CNTNAP1: variants seen among roughly 807,000 people sequenced by gnomAD.
CNTNAP1 encodes contactin-associated protein 1.
Under a neutral mutation model 161.5 loss-of-function variants are expected in CNTNAP1, and 80 were observed. The observed-to-expected ratio is 0.50, with a 90% CI of 0.41 to 0.60. CNTNAP1 has a LOEUF of 0.60. Among genes scored for constraint, CNTNAP1 ranks in the 20% least tolerant of loss-of-function variants. The probability of loss-of-function intolerance (pLI) is 0.00; values close to 1 mark genes in which losing one functional copy is unlikely to be tolerated. For missense variants in CNTNAP1, 1,464 were observed against 1,854.8 expected (o/e 0.79, Z 3.87); for synonymous variants, 695 against 733.1 (o/e 0.95, Z 0.84).
chr17:42,687,883 TG>T lies in CNTNAP1; in HGVS notation c.1213del (p.Asp405ThrfsTer8). 6.2e-7 allele frequency: 1 copy of T among 1,614,188 alleles called. No individual in the cohort carries two copies. Among genetic ancestry groups the T allele is most frequent in the Non-Finnish European group, 8.5e-7 (1 of 1,180,034 alleles). On this transcript the variant is annotated frameshift_variant, in exon 8 of 24. Transcript: ENST00000264638. LOFTEE classifies it high-confidence loss of function. The surrounding 1 kb of genome is among the most constrained non-coding windows in gnomAD (Gnocchi z 4.7). ...ACCGGGCTTCTCCTTTTCTCCCGTC[TG>T]GGGGACGGGCTGGGCCACGTGGAGC... The part of the protein sequence containing the change: ...DLTGLLLFSR[L>X]GDGLGHVELT...
chr17:42,695,747 T>C lies in CNTNAP1; in HGVS notation c.3219T>C (p.Arg1073=), dbSNP rs199875852. The C allele has an allele frequency of 3.7e-5, 59 of 1,614,220 alleles. No homozygotes were observed. The highest frequency in any genetic ancestry group is 5.0e-5 in the Non-Finnish European group (59 of 1,180,030). ...CTGGTCGGCCTGTGCCCGGTTACCGTGGGCCTGTCTACAACGTTACGGGAG... is the reference window on the plus strand; with the variant it reads ...CTGGTCGGCCTGTGCCCGGTTACCGCGGGCCTGTCTACAACGTTACGGGAG... ...PRPGRPVPGY[R]GPVYNVTGEE... Residue 1073 remains arginine, a synonymous_variant, in exon 19 of 24, where the codon CGT becomes CGC. Transcript: ENST00000264638.
chr17:42,685,159 G>A lies in CNTNAP1; in HGVS notation c.511+21G>A. 6.2e-7 allele frequency: 1 copy of A among 1,607,968 alleles called. No individual in the cohort carries two copies. Among genetic ancestry groups the A allele is most frequent in the Middle Eastern group, 1.7e-4 (1 of 6,040 alleles). ...ATACAGTAAGTGTGCAGAGAGCGCGGAGGGGGCCTGGGAGACAGCCTCCCC... is the reference window on the plus strand; with the variant it reads ...ATACAGTAAGTGTGCAGAGAGCGCGAAGGGGGCCTGGGAGACAGCCTCCCC... On this transcript the variant is annotated intron_variant, in intron 4 of 23. Coordinates refer to ENST00000264638, the MANE Select transcript of CNTNAP1 (RefSeq NM_003632.3). The surrounding 1 kb of genome is among the most constrained non-coding windows in gnomAD (Gnocchi z 5.0).
In CNTNAP1 at chr17:42,683,838, C is replaced by G; in HGVS notation, c.85C>G (p.Leu29Val). The change falls in exon 2 of 24, where the codon CTG becomes GTG. Residue 29 changes from leucine (L) to valine (V), a missense_variant. Physicochemically the swap from Leu to Val is conservative, Grantham distance 32 (BLOSUM62 1). Around this residue, in one of 3 missense-constraint regions of CNTNAP1, gnomAD observed 77 missense variants for 73.6 expected, o/e 1.05. Transcript: ENST00000264638. ...GWGYYGCDEE[L>V]VGPLYARSLG... ...TACCCTAGACGGCTGCGACGAGGAG[C>G]TGGTGGGTCCCCTGTATGCACGCTC... 2 of 1,612,082 alleles carry G rather than the reference C, an allele frequency of 1.2e-6. No homozygotes were observed. Among genetic ancestry groups the G allele is most frequent in the South Asian group, 2.2e-5 (2 of 91,086 alleles).
chr17:42,685,441 C>T lies in CNTNAP1; in HGVS notation c.715+21C>T, dbSNP rs971683099. On this transcript the variant is annotated intron_variant, in intron 5 of 23. Transcript: ENST00000264638. This position sits in a 1 kb window ranked among gnomAD's most constrained non-coding sequence, Gnocchi z 5.0. ...CCTGGGTGAGCTCGGCGACCATGTG[C>T]GATGCGGAGCCAACCCCTGAAGCTC... The T allele has an allele frequency of 6.3e-7, 1 of 1,589,362 alleles. No homozygotes were observed. Among genetic ancestry groups the T allele is most frequent in the Non-Finnish European group, 8.5e-7 (1 of 1,172,886 alleles).
At position 42,685,065 on chromosome 17, in the gene CNTNAP1, C is replaced by A. The variant is rs371036638; in HGVS notation, c.438C>A (p.Ile146=). 5 of 1,580,962 alleles carry A rather than the reference C, an allele frequency of 3.2e-6. No homozygotes were observed. The African/African-American group carries it at 5.4e-5, about 17-fold the overall frequency. Residue 146 remains isoleucine (I), a synonymous_variant, in exon 4 of 24, where the codon ATC becomes ATA. Coordinates refer to ENST00000264638, the MANE Select transcript of CNTNAP1 (RefSeq NM_003632.3). This position sits in a 1 kb window ranked among gnomAD's most constrained non-coding sequence, Gnocchi z 5.0. ...ACTTCCACTTCACTGCGCGCTACAT[C>A]CGCATCGTGCCCCTGGCCTGGAACC... ...DLHFHFTARY[I]RIVPLAWNPR... is the part of the protein sequence containing the mutation.
Position 42,690,880 on chromosome 17 carries a change from C to T in CNTNAP1, c.1997C>T (p.Ser666Phe). The T allele has an allele frequency of 2.5e-6, 4 of 1,614,210 alleles. No homozygotes were observed. Among genetic ancestry groups the T allele is most frequent in the Non-Finnish European group, 3.4e-6 (4 of 1,180,026 alleles). The change falls in exon 13 of 24, where the codon TCC (serine) becomes TTC (phenylalanine). Residue 666 changes from serine (S) to phenylalanine (F), a missense_variant. Coordinates refer to ENST00000264638, the MANE Select transcript of CNTNAP1 (RefSeq NM_003632.3). Reference sequence around the variant, plus strand: ...GAAGTCAGTGCCCTTGCCAATGCTTCCCAGCATTGTGAACAGTGGATCGAG... The same window carrying T: ...GAAGTCAGTGCCCTTGCCAATGCTTTCCAGCATTGTGAACAGTGGATCGAG... ...WEEVSALANA[S>F]QHCEQWIEFS...
At chr17:42,694,680 G>A (rs1402051028) in intron 18 of CNTNAP1, among the ~76,000 whole-genome samples, 1 of 151,822 alleles carries the variant, frequency 6.6e-6, no homozygotes, top group African/African-American at 2.4e-5. Flanking sequence ...CATCACCATG[G>A]TAACACAGGC....
In CNTNAP1 at chr17:42,688,960, G is replaced by A; in HGVS notation, c.1541G>A (p.Gly514Asp). 3.1e-6 allele frequency: 5 copies of A among 1,613,952 alleles called. No homozygotes were observed. Among genetic ancestry groups the A allele is most frequent in the Non-Finnish European group, 4.2e-6 (5 of 1,179,928 alleles). ...HGCMELLKVD[G>D]QLVNLTLVEG... ...TGCATGGAGCTGCTCAAGGTGGATGGTCAACTGGTCAACCTGACTCTGGTG... is the reference window on the plus strand; with the variant it reads ...TGCATGGAGCTGCTCAAGGTGGATGATCAACTGGTCAACCTGACTCTGGTG... Residue 514 changes from glycine to aspartate, a missense_variant, in exon 10 of 24, where the codon GGT becomes GAT. This residue lies in a region of CNTNAP1 where 1,383 missense variants were observed against 1,765.0 expected (regional missense o/e 0.78). Coordinates refer to ENST00000264638, the MANE Select transcript of CNTNAP1 (RefSeq NM_003632.3).
chr17:42,698,106 T>C (rs535236350), intron 23 of CNTNAP1, among the ~76,000 whole-genome samples, 156 bp downstream of exon 23: 2 of 152,026 alleles, frequency 1.3e-5, no homozygotes, highest in Admixed American at 6.5e-5. Flanking sequence ...GAAGGTGCCA[T>C]ATAACTGGGC....
Position 42,685,641 on chromosome 17 carries a change from AC to A in CNTNAP1, c.715+223del, listed in dbSNP as rs1292289071. Among the ~76,000 whole-genome samples, 4 of 152,220 alleles carry A rather than the reference AC, an allele frequency of 2.6e-5. No individual in the cohort carries two copies. Among genetic ancestry groups the A allele is most frequent in the Non-Finnish European group, 5.9e-5 (4 of 68,040 alleles). On this transcript the variant is annotated intron_variant, in intron 5 of 23. Coordinates refer to ENST00000264638, the MANE Select transcript of CNTNAP1 (RefSeq NM_003632.3). This position sits in a 1 kb window ranked among gnomAD's most constrained non-coding sequence, Gnocchi z 5.0. ...AGCTCTACCACTACACAGAGATGTG[AC>A]CTCGGATGGGGCACTTCCGAGCCTC...
At position 42,687,394 on chromosome 17, in the gene CNTNAP1, T is replaced by A. The variant is rs1410873421; in HGVS notation, c.1045-326T>A. ...TATGCCCCCCTCAACCCTCTCCGACTCTGGAGCTCTGTTGGGAAGCTGGCA... is the reference window on the plus strand; with the variant it reads ...TATGCCCCCCTCAACCCTCTCCGACACTGGAGCTCTGTTGGGAAGCTGGCA... On this transcript the variant is annotated intron_variant, in intron 7 of 23. Transcript: ENST00000264638. The surrounding 1 kb of genome is among the most constrained non-coding windows in gnomAD (Gnocchi z 4.7). 2.0e-6 allele frequency: 1 copy of A among 510,334 alleles called. No individual in the cohort carries two copies. Among genetic ancestry groups the A allele is most frequent in the African/African-American group, 1.9e-5 (1 of 52,248 alleles). 31.6% of individuals were successfully genotyped at this position (510,334 alleles called of 1,614,324 possible).
At position 42,685,844 on chromosome 17, in the gene CNTNAP1, C is replaced by T. The variant is rs2052998913; in HGVS notation, c.716-113C>T. 2.7e-6 allele frequency: 3 copies of T among 1,119,482 alleles called. No homozygotes were observed. The highest frequency in any genetic ancestry group is 3.8e-6 in the Non-Finnish European group (3 of 781,594). The allele number at this position is 1,119,482 out of a possible 1,614,324, so 69.3% of individuals were successfully genotyped here. A position where few individuals can be genotyped will look rare whatever the true frequency, so the allele number is the denominator to read the frequency against. On this transcript the variant is annotated intron_variant, in intron 5 of 23. Transcript: ENST00000264638. The surrounding 1 kb of genome is among the most constrained non-coding windows in gnomAD (Gnocchi z 5.0). ...CGCCAATGGCTGTTGATCTATTCGC[C>T]CACTCTCCCTGATTGCCCTGGGCTT...
At chr17:42,686,861 C>G in intron 6 of CNTNAP1, 42 bp from the exon 7 acceptor site, 2 of 1,555,348 alleles carry the variant, frequency 1.3e-6, no homozygotes, top group Middle Eastern at 2.0e-4. Flanking sequence ...AGGCAGGCGC[C>G]CTCCTGTGCC....
rs754040632 is a variant in CNTNAP1 at position 42,697,613 on chromosome 17, C to T, written c.3628C>T (p.Leu1210=). 12 of 1,614,062 alleles carry T rather than the reference C, an allele frequency of 7.4e-6. No individual in the cohort carries two copies. The Admixed American group carries it at 1.0e-4, about 13-fold the overall frequency. The change falls in exon 22 of 24, where the codon CTG becomes TTG. Residue 1210 remains leucine, a synonymous_variant. Coordinates refer to ENST00000264638, the MANE Select transcript of CNTNAP1 (RefSeq NM_003632.3). ...CAACACCCCAGGTTTCTCAGGCTGC[C>T]TGTCTGGTGTTCGATTCAACAACGT... ...RYNTPGFSGC[L]SGVRFNNVAP... is the part of the protein sequence containing the mutation.
At position 42,685,515 on chromosome 17, in the gene CNTNAP1, T is replaced by G. The variant is rs1597804316; in HGVS notation, c.715+95T>G. The G allele has an allele frequency of 1.6e-6, 2 of 1,231,128 alleles. No homozygotes were observed. Among genetic ancestry groups the G allele is most frequent in the Non-Finnish European group, 1.1e-6 (1 of 885,046 alleles). 76.3% of individuals were successfully genotyped at this position (1,231,128 alleles called of 1,614,324 possible). A position where few individuals can be genotyped will look rare whatever the true frequency, so the allele number is the denominator to read the frequency against. On this transcript the variant is annotated intron_variant, in intron 5 of 23. Coordinates refer to ENST00000264638, the MANE Select transcript of CNTNAP1 (RefSeq NM_003632.3). The surrounding 1 kb of genome is among the most constrained non-coding windows in gnomAD (Gnocchi z 5.0). ...CTCCTCCGCGCATCCGCGCTCAGCC[T>G]GGTCTTCCACTTCTCTAAGGCCTGG...
rs779992820 is a variant in CNTNAP1 at position 42,689,591 on chromosome 17, G to T, written c.1699G>T (p.Glu567Ter). ...TTGGGATGACTTCATTTGCTACTGCGAACTGACGGGCTACAAGGGAGAGAC... is the reference window on the plus strand; with the variant it reads ...TTGGGATGACTTCATTTGCTACTGCTAACTGACGGGCTACAAGGGAGAGAC... ...QSWDDFICYC[E>*]LTGYKGETCH... is the part of the protein sequence containing the mutation. Residue 567 changes from glutamate (E) to a stop codon, truncating the protein, a stop_gained, in exon 11 of 24, where the codon GAA (glutamate) becomes TAA (stop). Coordinates refer to ENST00000264638, the MANE Select transcript of CNTNAP1 (RefSeq NM_003632.3). LOFTEE classifies it high-confidence loss of function. The T allele has an allele frequency of 6.2e-7, 1 of 1,613,936 alleles. No homozygotes were observed. The highest frequency in any genetic ancestry group is 2.2e-5 in the East Asian group (1 of 44,868).
intron 23 of CNTNAP1, among the ~76,000 whole-genome samples, chr17:42,698,367 T>C (rs2053177067): frequency 6.6e-6 from 1 of 152,088 alleles, no homozygotes; most frequent in Non-Finnish European, 1.5e-5. Context: ...AATTCAAACC[T>C]GCCAGACACT....
chr17:42,684,194 A>T lies in CNTNAP1; in HGVS notation c.328A>T (p.Ser110Cys), dbSNP rs1177981180. Residue 110 changes from serine to cysteine, a missense_variant, in exon 3 of 24, where the codon AGC becomes TGC. Physicochemically the swap from Ser to Cys is moderately radical, Grantham distance 112. Coordinates refer to ENST00000264638, the MANE Select transcript of CNTNAP1 (RefSeq NM_003632.3). ...GCTACTCTACGGCGACCGAGTGGAC[A>T]GCTGGACACCGTTCTACCAGCGAGG... ...YMLLYGDRVD[S>C]WTPFYQRGHN... is the part of the protein sequence containing the mutation. 6.2e-7 allele frequency: 1 copy of T among 1,614,020 alleles called. No individual in the cohort carries two copies. Among genetic ancestry groups the T allele is most frequent in the Non-Finnish European group, 8.5e-7 (1 of 1,179,980 alleles).
rs1245562025 is a variant in CNTNAP1 at position 42,693,319 on chromosome 17, C to A, written c.2775C>A (p.Arg925=). The change falls in exon 18 of 24, where the codon CGC becomes CGA. Residue 925 remains arginine, a synonymous_variant. Transcript: ENST00000264638. ...LYVGSAELKR[R]PFVGCLRAMR... ...CAGGATCTGCAGAGCTTAAGAGACG[C>A]CCCTTTGTGGGTTGCTTGAGGGCCA... The A allele has an allele frequency of 1.2e-6, 2 of 1,614,204 alleles. No homozygotes were observed. Among genetic ancestry groups the A allele is most frequent in the Non-Finnish European group, 1.7e-6 (2 of 1,180,036 alleles).
Sources: allele counts gnomAD v4.1 joint callset (sites outside exome capture counted in the v4.1 genomes callset), GRCh38; gene constraint gnomAD v4.1.1; regional missense constraint gnomAD v4.1.1; non-coding constraint Gnocchi (gnomAD v3.1); transcripts MANE v1.5; gene names NCBI Gene and HGNC (gene_info 2026-07-23, HGNC 2026-07-21).